Variants in NBEA observed in about 807,000 individuals in gnomAD.
NBEA encodes lysosomal-trafficking regulator 2.
A neutral mutation model predicts 343.4 loss-of-function variants in NBEA; 44 were observed. The observed-to-expected ratio is 0.13, with a 90% CI of 0.10 to 0.16. The LOEUF (loss-of-function observed/expected upper bound fraction) is 0.16, where lower values mean the gene tolerates loss of function less well. Ranked by LOEUF, NBEA falls within the 10% of genes least tolerant of loss-of-function variation. The pLI, the probability that NBEA is intolerant of heterozygous loss-of-function variation, is 1.00. For synonymous variants in NBEA, 1,175 were observed against 1,238.7 expected, an observed-to-expected ratio of 0.95 and a Z score of 1.08; for missense variants, 2,555 against 3,631.3, an observed-to-expected ratio of 0.70 and a Z score of 7.62.
intron 8 of NBEA, among the ~76,000 whole-genome samples, chr13:35,067,087 G>A (rs1338419717): frequency 6.6e-6 from 1 of 151,860 alleles, no homozygotes; most frequent in Non-Finnish European, 1.5e-5. Context: ...TGATATTATT[G>A]TTATACATAT....
intron 41 of NBEA, among the ~76,000 whole-genome samples, chr13:35,521,090 A>G (rs2077689987): frequency 1.3e-5 from 2 of 152,106 alleles, no homozygotes; most frequent in Non-Finnish European, 2.9e-5. Flanking sequence ...TTTGGTTTCA[A>G]ATCACACTGA....
chr13:35,397,970 C>G (rs1421443282), intron 38 of NBEA, among the ~76,000 whole-genome samples: 1 of 152,106 alleles, frequency 6.6e-6, no homozygotes, highest in African/African-American at 2.4e-5. Context: ...AAAGATTACT[C>G]AGCAGTATGT....
chr13:35,306,397 C>A (rs572904165), intron 35 of NBEA, among the ~76,000 whole-genome samples: 2 of 152,000 alleles, frequency 1.3e-5, no homozygotes, highest in African/African-American at 2.4e-5. Flanking sequence ...CCTCTAATTT[C>A]TTTGTCTCCT....
intron 41 of NBEA, among the ~76,000 whole-genome samples, chr13:35,479,239 G>A (rs1300992394): frequency 6.6e-6 from 1 of 152,188 alleles, no homozygotes; most frequent in Non-Finnish European, 1.5e-5. Context: ...GGAGCTGAAG[G>A]TGATTTACAT....
chr13:35,222,995 GTGGCA>G (rs1346675671), intron 33 of NBEA, among the ~76,000 whole-genome samples: 1 of 152,112 alleles, frequency 6.6e-6, no homozygotes, highest in East Asian at 1.9e-4. Context: ...TCTGGGTGTG[GTGGCA>G]TGTGCCTGTA....
rs146937597 is a variant in NBEA at position 35,159,669 on chromosome 13, C to T, written c.3498C>T (p.His1166=). Residue 1166 remains histidine, a synonymous_variant, in exon 22 of 59, where the codon CAC becomes CAT. Transcript: ENST00000379939. ...TACTTCCTGAACTTTCTAGCAATCA[C>T]ATTATTCCAAATATTCAGGACACAC... is the stretch of plus-strand genomic sequence containing the variant. ...EKLLPELSSN[H]IIPNIQDTQV... The T allele has an allele frequency of 7.1e-5, 114 of 1,611,894 alleles. 1 individual carries two copies. In the East Asian group the frequency reaches 2.4e-3, roughly 34 times the overall value.
At chr13:34,977,554 C>T (rs992123681) in intron 1 of NBEA, among the ~76,000 whole-genome samples, 1 of 152,166 alleles carries the variant, frequency 6.6e-6, no homozygotes, top group Non-Finnish European at 1.5e-5. Flanking sequence ...GGTGATCCTC[C>T]CACCTCGGCC....
chr13:35,042,002 A>G (rs1355158535), intron 2 of NBEA, among the ~76,000 whole-genome samples: 1 of 151,932 alleles, frequency 6.6e-6, no homozygotes, highest in Admixed American at 6.6e-5. Flanking sequence ...CCACAGTATT[A>G]TACCTGATCC....
At chr13:35,606,312 T>C (rs1035935493) in intron 47 of NBEA, 114 bp from the exon 48 acceptor site, 6 of 479,872 alleles carry the variant, frequency 1.3e-5, no homozygotes, top group Non-Finnish European at 2.0e-5. Flanking sequence ...TCATAAAATA[T>C]TGGTTTTAAG....
intron 34 of NBEA, among the ~76,000 whole-genome samples, chr13:35,252,101 A>T (rs1224405808): frequency 2.0e-5 from 3 of 152,202 alleles, no homozygotes; most frequent in Non-Finnish European, 4.4e-5. Flanking sequence ...AAGACTGGGT[A>T]GTTCATAAAG....
intron 51 of NBEA, among the ~76,000 whole-genome samples, chr13:35,647,398 T>C (rs1245810869): frequency 6.6e-6 from 1 of 152,202 alleles, no homozygotes; most frequent in East Asian, 1.9e-4. Context: ...GGTGTTATTT[T>C]GTGATGGAAG....
At chr13:35,239,366 G>T (rs1348427635) in intron 34 of NBEA, among the ~76,000 whole-genome samples, 1 of 152,072 alleles carries the variant, frequency 6.6e-6, no homozygotes, top group Non-Finnish European at 1.5e-5. Flanking sequence ...TTAACTAAAT[G>T]AGGGTTATAT....
At chr13:35,264,274 C>G (rs1018975891) in intron 34 of NBEA, among the ~76,000 whole-genome samples, 3 of 151,796 alleles carry the variant, frequency 2.0e-5, no homozygotes, top group Non-Finnish European at 2.9e-5. Context: ...AAAACATCTC[C>G]TATCAAAGAA....
intron 35 of NBEA, among the ~76,000 whole-genome samples, chr13:35,301,729 G>A (rs2036562020): frequency 6.6e-6 from 1 of 152,202 alleles, no homozygotes; most frequent in East Asian, 1.9e-4. Context: ...GGGTCAAATG[G>A]TATTTCTGGT....
At chr13:35,221,048 T>C (rs35969030) in intron 33 of NBEA, among the ~76,000 whole-genome samples, 2,908 of 152,208 alleles carry the variant, frequency 0.019, 54 homozygotes, top group Non-Finnish European at 0.03. Flanking sequence ...ACTTTTGTGG[T>C]TTAATATTAT....
chr13:35,363,401 A>G (rs907030813), intron 38 of NBEA, among the ~76,000 whole-genome samples: 1 of 151,868 alleles, frequency 6.6e-6, no homozygotes, highest in Non-Finnish European at 1.5e-5. Context: ...CCATTTCATT[A>G]AAAGTAAATG....
chr13:35,032,650 C>T (rs1418363614), intron 1 of NBEA, among the ~76,000 whole-genome samples: 1 of 151,522 alleles, frequency 6.6e-6, no homozygotes, highest in African/African-American at 2.4e-5. Context: ...CTTTTCTTCA[C>T]ATTTTTGCCA....
chr13:35,431,892 A>C, intron 38 of NBEA, among the ~76,000 whole-genome samples: 1 of 152,112 alleles, frequency 6.6e-6, no homozygotes, highest in East Asian at 1.9e-4. Flanking sequence ...GTGATTTACA[A>C]CCCTTGTTAA....
intron 37 of NBEA, 131 bp downstream of exon 37, chr13:35,349,347 A>G (rs1028059623): frequency 1.8e-5 from 9 of 512,844 alleles, no homozygotes; most frequent in Non-Finnish European, 2.8e-5. Flanking sequence ...CTGTTTTTTA[A>G]AAGCTTTAGT....
Sources: gnomAD v4.1 joint callset for allele counts (sites outside exome capture counted in the v4.1 genomes callset) on GRCh38, gnomAD v4.1.1 for gene constraint, MANE v1.5 for transcripts, NCBI Gene and HGNC (gene_info 2026-07-23, HGNC 2026-07-21) for gene names.